PALM2AKAP2: variants seen among roughly 807,000 people sequenced by gnomAD.
PALM2AKAP2 encodes PALM2 and AKAP2 fusion, also known as PALM2-AKAP2 fusion protein.
Under a neutral mutation model 71.5 loss-of-function variants are expected in PALM2AKAP2, and 37 were observed. That is an observed-to-expected ratio of 0.52 (90% CI 0.40 to 0.68). The LOEUF is 0.68. Ranked by LOEUF, PALM2AKAP2 falls within the 30% of genes least tolerant of loss-of-function variation. The probability of loss-of-function intolerance (pLI) is 0.00; values close to 1 mark genes in which losing one functional copy is unlikely to be tolerated. For missense variants in PALM2AKAP2, 1,224 were observed against 1,191.8 expected (o/e 1.03, Z -0.40); for synonymous variants, 468 against 478.8 (o/e 0.98, Z 0.29).
At chr9:109,981,263 G>A (rs772600148) in intron 6 of PALM2AKAP2, among the ~76,000 whole-genome samples, 2 of 152,314 alleles carry the variant, frequency 1.3e-5, no homozygotes, top group Middle Eastern at 3.4e-3. Context: ...TAAAGCAGTA[G>A]TAAAAATACC....
chr9:110,041,963 C>T (rs904685203), intron 7 of PALM2AKAP2, among the ~76,000 whole-genome samples: 2 of 152,204 alleles, frequency 1.3e-5, no homozygotes, highest in Middle Eastern at 3.2e-3. Context: ...TAATTTATAA[C>T]ATCTTAAAAG....
chr9:110,166,478 C>G (rs908010121), intron 3 of PALM2AKAP2, among the ~76,000 whole-genome samples: 1 of 152,210 alleles, frequency 6.6e-6, no homozygotes, highest in South Asian at 2.1e-4. Context: ...TGCTGTTTTT[C>G]AGTTCCATGC....
At chr9:109,974,542 T>G (rs147341132) in intron 6 of PALM2AKAP2, among the ~76,000 whole-genome samples, 1 of 151,936 alleles carries the variant, frequency 6.6e-6, no homozygotes, top group African/African-American at 2.4e-5. Flanking sequence ...ATCGGCAGAG[T>G]GACACATGTT....
At position 110,088,072 on chromosome 9, in the gene PALM2AKAP2, C is replaced by G. The variant is rs541430400; in HGVS notation, c.156+39217C>G. ...CAAAGAATTGGACAAAATGCACAAA[C>G]AAAGGAAGGAAAGAATGAAGCAACA... On this transcript the variant is annotated intron_variant, in intron 1 of 3. Transcript: ENST00000374525. Among the ~76,000 whole-genome samples, 362 of 152,124 alleles carry G rather than the reference C, an allele frequency of 2.4e-3. 1 individual carries two copies. Among genetic ancestry groups the G allele is most frequent in the African/African-American group, 8.4e-3 (349 of 41,482 alleles).
intron 3 of PALM2AKAP2, among the ~76,000 whole-genome samples, chr9:109,899,706 C>T (rs753876375): frequency 4.6e-5 from 7 of 152,206 alleles, no homozygotes; most frequent in Admixed American, 1.3e-4. Flanking sequence ...AACTACCTGC[C>T]ATTCCTTGGA....
chr9:110,158,204 A>G (rs1003557813), intron 3 of PALM2AKAP2, among the ~76,000 whole-genome samples: 1 of 152,232 alleles, frequency 6.6e-6, no homozygotes, highest in Admixed American at 6.5e-5. Context: ...ACTTCAAAGG[A>G]TAAAGTTTGC....
chr9:109,780,223 C>A, upstream of PALM2AKAP2: 1 of 996,740 alleles, frequency 1.0e-6, no homozygotes, highest in South Asian at 4.7e-5. Context: ...CTGGCGCGGC[C>A]GGCGGCGGCG....
intron 1 of PALM2AKAP2, among the ~76,000 whole-genome samples, chr9:109,742,253 A>T (rs1199663426): frequency 0.014 from 12 of 870 alleles, no homozygotes; most frequent in Non-Finnish European, 0.027. Context: ...TGATGTATTC[A>T]CACACACACA....
At chr9:109,689,205 T>C (rs76346454) in intron 1 of PALM2AKAP2, among the ~76,000 whole-genome samples, 33 of 23,290 alleles carry the variant, frequency 1.4e-3, no homozygotes, top group Admixed American at 1.9e-3. Context: ...CTTTTCTTTT[T>C]TTTTTTTTTT....
intron 1 of PALM2AKAP2, among the ~76,000 whole-genome samples, chr9:110,079,338 A>G (rs1018313269): frequency 2.0e-5 from 3 of 152,072 alleles, no homozygotes; most frequent in African/African-American, 7.2e-5. Flanking sequence ...TCTACTAAAA[A>G]TAAAAAAATT....
At chr9:109,676,549 A>T (rs777924369) in intron 1 of PALM2AKAP2, among the ~76,000 whole-genome samples, 1 of 152,226 alleles carries the variant, frequency 6.6e-6, no homozygotes, top group Non-Finnish European at 1.5e-5. Context: ...AATTATTGGT[A>T]GGAACTTGGC....
At chr9:109,946,493 G>C (rs898975973) in intron 6 of PALM2AKAP2, 2 of 151,492 alleles carry the variant, frequency 1.3e-5, no homozygotes, top group African/African-American at 4.9e-5. Context: ...TTCAAGACCA[G>C]CCTGACCAAC....
chr9:109,678,112 A>G (rs1185652676), intron 1 of PALM2AKAP2, among the ~76,000 whole-genome samples: 1 of 152,214 alleles, frequency 6.6e-6, no homozygotes, highest in Non-Finnish European at 1.5e-5. Context: ...AGGAGGCCAC[A>G]CAGCTTTTCT....
chr9:110,037,651 A>G (rs1409524780), intron 7 of PALM2AKAP2, among the ~76,000 whole-genome samples: 1 of 152,240 alleles, frequency 6.6e-6, no homozygotes, highest in African/African-American at 2.4e-5. Flanking sequence ...ATACTATCAT[A>G]TGAAAGATGG....
chr9:110,058,801 T>C (rs1833898816), intron 1 of PALM2AKAP2, among the ~76,000 whole-genome samples: 1 of 152,146 alleles, frequency 6.6e-6, no homozygotes, highest in South Asian at 2.1e-4. Context: ...TCCCTTTTTT[T>C]CTTCTCTTTC....
At chr9:109,777,892 C>G (rs969393255), upstream of PALM2AKAP2, among the ~76,000 whole-genome samples, 14 of 152,118 alleles carry the variant, frequency 9.2e-5, no homozygotes. Flanking sequence ...ATTTCTTTAG[C>G]TGTAACCGCA....
At chr9:109,940,430 A>G (rs970003450) in intron 6 of PALM2AKAP2, among the ~76,000 whole-genome samples, 1 of 152,212 alleles carries the variant, frequency 6.6e-6, no homozygotes, top group Non-Finnish European at 1.5e-5. Context: ...CCATATTTGG[A>G]TATGTAGAAA....
chr9:109,973,728 G>A (rs1588039759), intron 6 of PALM2AKAP2, among the ~76,000 whole-genome samples: 1 of 152,310 alleles, frequency 6.6e-6, no homozygotes, highest in East Asian at 1.9e-4. Flanking sequence ...TGATAACTCT[G>A]TGAGGTAGGT....
At chr9:109,779,881 C>G (rs7047734), upstream of PALM2AKAP2, among the ~76,000 whole-genome samples, 14,483 of 152,176 alleles carry the variant, frequency 0.095, 2,121 homozygotes, top group African/African-American at 0.31. Flanking sequence ...GTCCCACATT[C>G]GGTCAGACGC....
Sources: allele counts gnomAD v4.1 joint callset (sites outside exome capture counted in the v4.1 genomes callset), GRCh38; gene constraint gnomAD v4.1.1; transcripts MANE v1.5; gene names NCBI Gene and HGNC (gene_info 2026-07-23, HGNC 2026-07-21).